Variants in RFC3 observed in about 807,000 individuals in gnomAD.
RFC3 encodes replication factor C subunit 3.
A neutral mutation model predicts 45.1 loss-of-function variants in RFC3; 41 were observed. That is an observed-to-expected ratio of 0.91 (90% CI 0.71 to 1.18). RFC3 has a LOEUF of 1.18. RFC3 is among the 50% of genes most tolerant of loss of function. The probability of loss-of-function intolerance (pLI) is 0.00; values close to 1 mark genes in which losing one functional copy is unlikely to be tolerated. For missense variants in RFC3, 423 were observed against 428.1 expected (o/e 0.99, Z 0.10); for synonymous variants, 149 against 144.0 (o/e 1.03, Z -0.25).
At chr13:33,849,652 AGATCAGT>A (rs1474657892) in intron 8 of RFC3, 1 of 152,086 alleles carries the variant, frequency 6.6e-6, no homozygotes, top group Non-Finnish European at 1.5e-5. Context: ...CGAGGCTGGC[AGATCAGT>A]TGAGGTAAGG....
chr13:33,852,618 T>C (rs376400422), intron 8 of RFC3, among the ~76,000 whole-genome samples: 3 of 152,166 alleles, frequency 2.0e-5, no homozygotes, highest in African/African-American at 7.2e-5. Flanking sequence ...GAGAAAGTTT[T>C]TGTGCATCCA....
intron 8 of RFC3, among the ~76,000 whole-genome samples, chr13:33,940,149 C>G (rs2082914054): frequency 6.6e-6 from 1 of 151,960 alleles, no homozygotes; most frequent in African/African-American, 2.4e-5. Context: ...GAATTTTTAT[C>G]TAAATTCCTA....
At chr13:33,829,785 A>G (rs1215280442) in intron 4 of RFC3, 51 bp from the exon 5 acceptor site, 8 of 1,402,196 alleles carry the variant, frequency 5.7e-6, no homozygotes, top group Non-Finnish European at 4.1e-6. Flanking sequence ...GAGACAAGTT[A>G]AAGTTTGAGT....
At chr13:33,857,353 CAT>C (rs2082314509) in intron 8 of RFC3, among the ~76,000 whole-genome samples, 1 of 152,242 alleles carries the variant, frequency 6.6e-6, no homozygotes, top group South Asian at 2.1e-4. Context: ...TCAAAGCTGA[CAT>C]ATGGAATGTA....
At chr13:33,881,753 C>T (rs1278655019) in intron 8 of RFC3, among the ~76,000 whole-genome samples, 2 of 152,174 alleles carry the variant, frequency 1.3e-5, no homozygotes, top group Admixed American at 1.3e-4. Context: ...CTTTCCTCTG[C>T]CCATCAGGCT....
chr13:33,938,807 G>A (rs949264214), intron 8 of RFC3, among the ~76,000 whole-genome samples: 8 of 152,112 alleles, frequency 5.3e-5, no homozygotes, highest in Non-Finnish European at 1.2e-4. Context: ...CATTGGGGAT[G>A]CATGTGTTCA....
At chr13:33,875,473 C>T (rs191270178) in intron 8 of RFC3, among the ~76,000 whole-genome samples, 22 of 152,282 alleles carry the variant, frequency 1.4e-4, no homozygotes, top group African/African-American at 5.1e-4. Flanking sequence ...TTTAAATAAA[C>T]TGAAAAATGT....
At chr13:33,931,677 G>A (rs1043332038) in intron 8 of RFC3, among the ~76,000 whole-genome samples, 6 of 152,024 alleles carry the variant, frequency 3.9e-5, no homozygotes, top group Admixed American at 3.9e-4. Flanking sequence ...CAGAGGCCCT[G>A]AAGTCTGGTA....
At chr13:33,931,408 C>T (rs988387853) in intron 8 of RFC3, among the ~76,000 whole-genome samples, 3 of 152,096 alleles carry the variant, frequency 2.0e-5, no homozygotes, top group Non-Finnish European at 4.4e-5. Context: ...TACCGTGATG[C>T]TGATGCTTTT....
rs183292983 is a variant in RFC3 at position 33,918,039 on chromosome 13, G to A, written c.880-48048G>A. 3.1e-4 allele frequency among the ~76,000 whole-genome samples: 47 copies of A among 152,214 alleles called. No homozygotes were observed. In the East Asian group the frequency reaches 7.3e-3, roughly 24 times the overall value. On this transcript the variant is annotated intron_variant, in intron 8 of 8. Transcript: ENST00000434425. Reference sequence around the variant, plus strand: ...TGCTAGAATTTCCTACAGCTCTACAGGGGTTCCTATTACAGTTGAGGAAAC... The same window carrying A: ...TGCTAGAATTTCCTACAGCTCTACAAGGGTTCCTATTACAGTTGAGGAAAC...
intron 8 of RFC3, among the ~76,000 whole-genome samples, chr13:33,931,339 TAAA>T (rs1221403418): frequency 1.3e-5 from 2 of 152,120 alleles, no homozygotes; most frequent in African/African-American, 4.8e-5. Context: ...GAGGGGCTGT[TAAA>T]CACAGGAGCG....
chr13:33,833,573 TAACTC>T (rs1010687218), intron 7 of RFC3, among the ~76,000 whole-genome samples: 36 of 152,294 alleles, frequency 2.4e-4, no homozygotes, highest in African/African-American at 5.8e-4. Context: ...TGTTAGAAGT[TAACTC>T]AAGACTAACA....
intron 1 of RFC3, 123 bp from the exon 2 acceptor site, chr13:33,821,009 C>T (rs1215638234): frequency 5.8e-6 from 5 of 859,324 alleles, no homozygotes; most frequent in Non-Finnish European, 8.7e-6. Context: ...TTGGGTGTAT[C>T]TACTCATGAA....
rs1316548602 is a variant in RFC3 at position 33,821,331 on chromosome 13, T to C, written c.225+62T>C. On this transcript the variant is annotated intron_variant, in intron 2 of 8. Transcript: ENST00000380071. Reference sequence around the variant, plus strand: ...TAGCGGGGACTTTCAGTCTTGGTCATGTATGTCCCCCCAACTCAGTTGCTT... The same window carrying C: ...TAGCGGGGACTTTCAGTCTTGGTCACGTATGTCCCCCCAACTCAGTTGCTT... The C allele has an allele frequency of 2.6e-6, 4 of 1,517,256 alleles. No homozygotes were observed. In the African/African-American group the frequency reaches 4.1e-5, roughly 16 times the overall value. The allele number at this position is 1,517,256 out of a possible 1,614,324, so 94.0% of individuals were successfully genotyped here. A position where few individuals can be genotyped will look rare whatever the true frequency, so the allele number is the denominator to read the frequency against.
intron 8 of RFC3, among the ~76,000 whole-genome samples, chr13:33,955,288 A>G (rs1214527808): frequency 1.3e-5 from 2 of 152,234 alleles, no homozygotes; most frequent in Non-Finnish European, 2.9e-5. Context: ...CAAGAGATAA[A>G]TGATGGAGGA....
intron 7 of RFC3, among the ~76,000 whole-genome samples, chr13:33,831,853 A>C (rs1171305263): frequency 6.6e-6 from 1 of 152,180 alleles, no homozygotes; most frequent in East Asian, 1.9e-4. Flanking sequence ...TGAAGATATT[A>C]TTATTGCCTC....
intron 8 of RFC3, among the ~76,000 whole-genome samples, chr13:33,953,886 A>ACATT (rs780394003): frequency 7.2e-5 from 11 of 152,198 alleles, no homozygotes; most frequent in Non-Finnish European, 1.3e-4. Context: ...ATGTTAGGTA[A>ACATT]CATATACAGT....
At chr13:33,838,137 G>A (rs2082171695), downstream of RFC3, among the ~76,000 whole-genome samples, 1 of 151,984 alleles carries the variant, frequency 6.6e-6, no homozygotes, top group Non-Finnish European at 1.5e-5. Flanking sequence ...TTTGAAGATC[G>A]TTCTTAGGTA....
chr13:33,830,134 T>A, intron 5 of RFC3, 117 bp downstream of exon 5: 1 of 839,696 alleles, frequency 1.2e-6, no homozygotes, highest in Non-Finnish European at 1.9e-6. Flanking sequence ...CAGACCTGGA[T>A]GCAAAGCATT....
Sources: gnomAD v4.1 joint callset for allele counts (sites outside exome capture counted in the v4.1 genomes callset) on GRCh38, gnomAD v4.1.1 for gene constraint, MANE v1.5 for transcripts, NCBI Gene and HGNC (gene_info 2026-07-23, HGNC 2026-07-21) for gene names.